The following ANO2 variants were observed in gnomAD, a reference collection of about 807,000 sequenced individuals.
ANO2 encodes anoctamin-2.
ANO2 carries 101 observed loss-of-function variants against 124.2 expected under a neutral mutation model. The observed-to-expected ratio is 0.81, with a 90% CI of 0.69 to 0.96. The LOEUF is 0.96. Ranked by LOEUF, ANO2 falls within the 40% of genes least tolerant of loss-of-function variation. The probability of loss-of-function intolerance (pLI) is 0.00; values close to 1 mark genes in which losing one functional copy is unlikely to be tolerated. For missense variants in ANO2, 1,293 were observed against 1,274.5 expected, an observed-to-expected ratio of 1.01 and a Z score of -0.22; for synonymous variants, 486 against 482.5, an observed-to-expected ratio of 1.01 and a Z score of -0.09.
intron 6 of ANO2, among the ~76,000 whole-genome samples, chr12:5,829,840 A>G (rs1191740382): frequency 6.6e-6 from 1 of 152,242 alleles, no homozygotes; most frequent in Admixed American, 6.5e-5. Context: ...ACTTGACATG[A>G]AGGCAAAACG....
chr12:5,734,637 T>G (rs1420770976), intron 13 of ANO2, among the ~76,000 whole-genome samples: 2 of 151,800 alleles, frequency 1.3e-5, no homozygotes, highest in South Asian at 2.1e-4. Flanking sequence ...AGCTCCCTCA[T>G]CTTTTTTTTC....
At chr12:5,880,292 G>C (rs1938392427) in intron 3 of ANO2, among the ~76,000 whole-genome samples, 1 of 152,162 alleles carries the variant, frequency 6.6e-6, no homozygotes, top group African/African-American at 2.4e-5. Flanking sequence ...AGACATAAGA[G>C]CCTGGGGAAC....
intron 14 of ANO2, among the ~76,000 whole-genome samples, chr12:5,652,796 A>G (rs909324266): frequency 1.3e-5 from 2 of 152,200 alleles, no homozygotes; most frequent in African/African-American, 4.8e-5. Context: ...CTGATCACTG[A>G]TGATGTCAAC....
intron 15 of ANO2, among the ~76,000 whole-genome samples, chr12:5,642,853 A>G (rs1451742240): frequency 6.6e-6 from 1 of 152,022 alleles, no homozygotes; most frequent in East Asian, 1.9e-4. Context: ...GTCCCTCCTG[A>G]TGCCAGGCAT....
rs1353667864 is a variant in ANO2 at position 5,725,896 on chromosome 12, T to C, written c.1545+6624A>G. 3.3e-5 allele frequency among the ~76,000 whole-genome samples: 5 copies of C among 152,070 alleles called. No individual in the cohort carries two copies. In the East Asian group the frequency reaches 7.7e-4, roughly 23 times the overall value. ...CTTCTTACTGTACTCTAATAGAAAG[T>C]TTATTGGAAGCAAAGGAGGCATGAG... On this transcript the variant is annotated intron_variant, in intron 14 of 24. Coordinates refer to ENST00000682330, the MANE Select transcript of ANO2 (RefSeq NM_001364791.2).
At chr12:5,864,502 C>CA (rs1298326018) in intron 3 of ANO2, among the ~76,000 whole-genome samples, 2 of 152,218 alleles carry the variant, frequency 1.3e-5, no homozygotes, top group African/African-American at 4.8e-5. Flanking sequence ...TTGTTCTGGA[C>CA]AGTCGCCATC....
chr12:5,821,282 G>C (rs1200368450), intron 7 of ANO2, among the ~76,000 whole-genome samples: 1 of 152,206 alleles, frequency 6.6e-6, no homozygotes, highest in East Asian at 1.9e-4. Context: ...TTCCTTCTAA[G>C]GTGAAGGATC....
intron 16 of ANO2, among the ~76,000 whole-genome samples, chr12:5,632,692 C>G (rs1415255006): frequency 6.6e-6 from 1 of 152,146 alleles, no homozygotes; most frequent in African/African-American, 2.4e-5. Context: ...CCCCGCCTTG[C>G]ATATGGGAAG....
At position 5,937,617 on chromosome 12, in the gene ANO2, C is replaced by T. The variant is rs867531488; in HGVS notation, c.22+7579G>A. 1.5e-4 allele frequency among the ~76,000 whole-genome samples: 23 copies of T among 152,126 alleles called. No homozygotes were observed. In the Middle Eastern group the frequency reaches 0.014, roughly 90 times the overall value. On this transcript the variant is annotated intron_variant, in intron 1 of 24. Coordinates refer to ENST00000682330, the MANE Select transcript of ANO2 (RefSeq NM_001364791.2). ...ATACTGGACATTGTGAATGATAAAA[C>T]ATTATCTTCCTATCGAGGGGGTTGG...
intron 10 of ANO2, among the ~76,000 whole-genome samples, chr12:5,758,215 T>C (rs1951637663): frequency 6.6e-6 from 1 of 152,166 alleles, no homozygotes; most frequent in African/African-American, 2.4e-5. Flanking sequence ...GGCCCGAGAT[T>C]CTGCAAAATT....
At chr12:5,919,161 G>A (rs60383695) in intron 3 of ANO2, among the ~76,000 whole-genome samples, 22,995 of 152,118 alleles carry the variant, frequency 0.15, 1,957 homozygotes, top group Middle Eastern at 0.2. Flanking sequence ...AGGCAGGATC[G>A]AGGGACAGAG....
intron 1 of ANO2, among the ~76,000 whole-genome samples, chr12:5,941,950 T>A (rs1942912543): frequency 6.6e-6 from 1 of 152,150 alleles, no homozygotes; most frequent in Admixed American, 6.5e-5. Context: ...ATAAAGACAT[T>A]TTTCATAAAA....
chr12:5,721,942 ATAACT>A (rs1246005314), intron 14 of ANO2, among the ~76,000 whole-genome samples: 1 of 152,248 alleles, frequency 6.6e-6, no homozygotes, highest in Non-Finnish European at 1.5e-5. Flanking sequence ...TTAAGTCCAA[ATAACT>A]TAATAAATAT....
intron 20 of ANO2, among the ~76,000 whole-genome samples, chr12:5,595,371 TTTTTCTTTTC>T (rs564691192): frequency 8.3e-4 from 126 of 151,884 alleles, no homozygotes; most frequent in African/African-American, 3.0e-3. Flanking sequence ...CTACTGTTTT[TTTTTCTTTTC>T]TTTTCTTTTC....
At chr12:5,911,281 A>G (rs1472756301) in intron 3 of ANO2, among the ~76,000 whole-genome samples, 1 of 152,174 alleles carries the variant, frequency 6.6e-6, no homozygotes, top group Non-Finnish European at 1.5e-5. Flanking sequence ...CATGAAAAGC[A>G]GGAGAGAGGG....
At chr12:5,921,827 G>A (rs556380439) in intron 2 of ANO2, among the ~76,000 whole-genome samples, 18 of 152,102 alleles carry the variant, frequency 1.2e-4, no homozygotes, top group African/African-American at 4.3e-4. Context: ...GTATCTACCC[G>A]AGTGCGCTCT....
chr12:5,784,281 T>C (rs575762822), intron 10 of ANO2, among the ~76,000 whole-genome samples: 23 of 152,208 alleles, frequency 1.5e-4, no homozygotes, highest in Non-Finnish European at 2.5e-4. Flanking sequence ...CCCTTCTTGT[T>C]TCTGTCCAAG....
At chr12:5,657,255 G>T (rs900103088) in intron 14 of ANO2, among the ~76,000 whole-genome samples, 2 of 152,186 alleles carry the variant, frequency 1.3e-5, no homozygotes, top group African/African-American at 4.8e-5. Context: ...CTATGTCTGA[G>T]AAAGAGTCAA....
chr12:5,832,236 G>A (rs1470739951), intron 5 of ANO2, among the ~76,000 whole-genome samples: 1 of 152,150 alleles, frequency 6.6e-6, no homozygotes, highest in Non-Finnish European at 1.5e-5. Context: ...ATTTCCTGCT[G>A]GACAAGCACC....
Sources: allele counts gnomAD v4.1 joint callset (sites outside exome capture counted in the v4.1 genomes callset), GRCh38; gene constraint gnomAD v4.1.1; transcripts MANE v1.5; gene names NCBI Gene and HGNC (gene_info 2026-07-23, HGNC 2026-07-21).